Variants in IFT70B observed in about 807,000 individuals in gnomAD.
IFT70B encodes the protein intraflagellar transport 70B.
the IFT70B span, chr2:177,552,183 A>T: frequency 3.1e-6 from 5 of 1,614,252 alleles, no homozygotes; most frequent in Middle Eastern, 3.3e-4. Context: ...GGCCAAAGCC[A>T]GGTTGTAGGA....
the IFT70B span, chr2:177,551,635 T>C: frequency 5.0e-6 from 8 of 1,614,228 alleles, no homozygotes; most frequent in South Asian, 3.3e-5. Flanking sequence ...TCAAGCTTAA[T>C]GAAAGCCTCT....
chr2:177,551,328 A>G, the IFT70B span: 29 of 1,613,730 alleles, frequency 1.8e-5, no homozygotes, highest in African/African-American at 2.5e-4. Flanking sequence ...ATAGAAACCA[A>G]TGGCTTCTTT....
chr2:177,550,695 G>T, the IFT70B span: 1 of 1,332,008 alleles, frequency 7.5e-7, no homozygotes. Flanking sequence ...ATATAAAGAT[G>T]CCAAAGGGTA....
the IFT70B span, chr2:177,551,185 C>T: frequency 2.5e-6 from 4 of 1,613,700 alleles, no homozygotes; most frequent in Non-Finnish European, 3.4e-6. Context: ...TGCTCTTCCT[C>T]CTTTTCAATC....
the IFT70B span, chr2:177,552,605 G>A: frequency 6.3e-7 from 1 of 1,594,800 alleles, no homozygotes; most frequent in South Asian, 1.1e-5. Flanking sequence ...GGTAGTAGCA[G>A]TAGCCTAGCA....
At chr2:177,550,450 T>A in the IFT70B span, 4 of 212,184 alleles carry the variant, frequency 1.9e-5, no homozygotes, top group Non-Finnish European at 3.7e-5. Flanking sequence ...CCCTGAATGA[T>A]GTAATCCTTG....
the IFT70B span, chr2:177,551,339 G>C: frequency 5.0e-6 from 8 of 1,613,842 alleles, no homozygotes; most frequent in South Asian, 8.8e-5. Context: ...TGGCTTCTTT[G>C]TATTTGTTTT....
At chr2:177,551,552 T>A in the IFT70B span, 8 of 1,614,112 alleles carry the variant, frequency 5.0e-6, no homozygotes, top group Admixed American at 1.3e-4. Flanking sequence ...CTTCATCATC[T>A]CTATTGTGTC....
At chr2:177,551,650 G>C in the IFT70B span, 1 of 1,614,218 alleles carries the variant, frequency 6.2e-7, no homozygotes, top group Non-Finnish European at 8.5e-7. Flanking sequence ...GCCTCTTCAG[G>C]AGCTGTCTGG....
the IFT70B span, chr2:177,550,609 G>A: frequency 1.6e-6 from 1 of 612,624 alleles, no homozygotes; most frequent in Non-Finnish European, 2.6e-6. Context: ...GTCACTTTCT[G>A]GGAAATTTAA....
the IFT70B span, chr2:177,552,050 A>T: frequency 6.2e-7 from 1 of 1,614,116 alleles, no homozygotes; most frequent in Non-Finnish European, 8.5e-7. Context: ...TGTTGCCAAC[A>T]CTGCGAACAT....
chr2:177,552,763 T>C, the IFT70B span: 5 of 1,552,764 alleles, frequency 3.2e-6, no homozygotes, highest in Admixed American at 1.9e-5. Flanking sequence ...AGGCCAGCCA[T>C]AACCACCACG....
the IFT70B span, chr2:177,549,662 T>G: frequency 6.6e-6 from 1 of 152,206 alleles, no homozygotes; most frequent in Admixed American, 6.5e-5. Context: ...GTAAGGCTCT[T>G]GTAAGGTTCA....
chr2:177,550,472 C>A, the IFT70B span: 2 of 243,188 alleles, frequency 8.2e-6, no homozygotes, highest in African/African-American at 4.6e-5. Context: ...GCAAAGACCC[C>A]TCAAGATACG....
At chr2:177,550,989 G>A in the IFT70B span, 9 of 1,614,034 alleles carry the variant, frequency 5.6e-6, no homozygotes, top group Non-Finnish European at 7.6e-6. Flanking sequence ...TTCTAACAAG[G>A]ACAGGAAGCA....
chr2:177,550,856 T>C, the IFT70B span: 1 of 1,614,160 alleles, frequency 6.2e-7, no homozygotes, highest in Non-Finnish European at 8.5e-7. Flanking sequence ...GCATTCTTTC[T>C]TCTTCCAGGG....
the IFT70B span, chr2:177,551,778 A>G: frequency 6.2e-7 from 1 of 1,614,252 alleles, no homozygotes; most frequent in Non-Finnish European, 8.5e-7. Flanking sequence ...TTTACAGTAG[A>G]GCAGCAACAG....
chr2:177,550,915 C>G, the IFT70B span: 7 of 1,613,992 alleles, frequency 4.3e-6, no homozygotes, highest in South Asian at 3.3e-5. Context: ...TCACAGTGTT[C>G]TAGAAACTGG....
chr2:177,550,529 C>T, the IFT70B span: 77 of 374,636 alleles, frequency 2.1e-4, 1 homozygote, highest in Non-Finnish European at 2.8e-4. Flanking sequence ...CGTATTACAA[C>T]TTCTGATATA....
Sources: gnomAD v4.1 joint callset for allele counts on GRCh38, gnomAD v4.1.1 for gene constraint, MANE v1.5 for transcripts, NCBI Gene and HGNC (gene_info 2026-07-23, HGNC 2026-07-21) for gene names.